The following MTUS1 variants were observed in gnomAD, a reference collection of about 807,000 sequenced individuals.
MTUS1 encodes microtubule associated scaffold protein 1.
Under a neutral mutation model 120.8 loss-of-function variants are expected in MTUS1, and 109 were observed. The observed-to-expected ratio is 0.90, with a 90% CI of 0.77 to 1.06. The LOEUF is 1.06. Among genes scored for constraint, MTUS1 ranks in the 50% least tolerant of loss-of-function variants. The probability of loss-of-function intolerance (pLI) is 0.00; values close to 1 mark genes in which losing one functional copy is unlikely to be tolerated. For missense variants in MTUS1, 2,210 were observed against 1,486.3 expected (o/e 1.49, Z -8.01); for synonymous variants, 737 against 550.5 (o/e 1.34, Z -4.74).
chr8:17,738,764 G>C (rs555396939), intron 3 of MTUS1, among the ~76,000 whole-genome samples: 1 of 152,052 alleles, frequency 6.6e-6, no homozygotes, highest in Non-Finnish European at 1.5e-5. Context: ...TTAACATCAA[G>C]CTTTAAACCA....
chr8:17,711,900 G>T (rs916188766), intron 6 of MTUS1, among the ~76,000 whole-genome samples: 4 of 152,182 alleles, frequency 2.6e-5, no homozygotes, highest in African/African-American at 9.7e-5. Flanking sequence ...CAAGAAAAGG[G>T]AGAGAGATGG....
chr8:17,675,531 C>T (rs1012687769), intron 7 of MTUS1, among the ~76,000 whole-genome samples: 16 of 152,226 alleles, frequency 1.1e-4, no homozygotes, highest in Non-Finnish European at 2.9e-5. Flanking sequence ...CAGTGCTTCA[C>T]TGCTGATCCA....
chr8:17,765,919 G>T (rs2049450946), intron 1 of MTUS1, among the ~76,000 whole-genome samples: 1 of 151,802 alleles, frequency 6.6e-6, no homozygotes, highest in South Asian at 2.1e-4. Flanking sequence ...ACCAAAAATT[G>T]GTTCTTACTT....
chr8:17,748,807 A>T (rs1280406799), intron 2 of MTUS1, among the ~76,000 whole-genome samples: 1 of 152,194 alleles, frequency 6.6e-6, no homozygotes, highest in Admixed American at 6.5e-5. Flanking sequence ...TACCCACTGC[A>T]CTAGGCACTC....
chr8:17,753,887 GTA>G lies in MTUS1; in HGVS notation c.1919_1920del (p.Ile640ThrfsTer4). 6.2e-7 allele frequency: 1 copy of G among 1,614,126 alleles called. No individual in the cohort carries two copies. The highest frequency in any genetic ancestry group is 1.1e-5 in the South Asian group (1 of 91,082). ...TCTGCACTTTCCATTTTAACAGGGA[GTA>G]TGCCTTTGATCTTCTGAAACAACGC... is the stretch of plus-strand genomic sequence containing the variant. ...VSALFQKIKG[I>X]LPVKMESAEC... On this transcript the variant is annotated frameshift_variant, in exon 2 of 15. Transcript: ENST00000693296. LOFTEE classifies it high-confidence loss of function.
chr8:17,793,609 G>C (rs901636288), intron 1 of MTUS1, among the ~76,000 whole-genome samples: 1 of 152,048 alleles, frequency 6.6e-6, no homozygotes, highest in Non-Finnish European at 1.5e-5. Context: ...CTATCCTTAA[G>C]GAGCTTACAA....
chr8:17,748,079 G>C (rs1191545812), intron 2 of MTUS1: 1 of 152,184 alleles, frequency 6.6e-6, no homozygotes, highest in East Asian at 1.9e-4. Context: ...TGGGGACACA[G>C]CCAAATCATA....
intron 6 of MTUS1, among the ~76,000 whole-genome samples, chr8:17,686,623 C>T (rs976646933): frequency 3.9e-5 from 6 of 152,234 alleles, no homozygotes; most frequent in African/African-American, 1.4e-4. Flanking sequence ...CTAATCAACG[C>T]TATTTTTAAC....
At chr8:17,739,941 C>G (rs1449135681) in intron 3 of MTUS1, among the ~76,000 whole-genome samples, 1 of 152,060 alleles carries the variant, frequency 6.6e-6, no homozygotes, top group South Asian at 2.1e-4. Context: ...CACATTTTGA[C>G]AAGTAAAATG....
At chr8:17,774,692 G>T (rs2050275415) in intron 1 of MTUS1, among the ~76,000 whole-genome samples, 1 of 152,094 alleles carries the variant, frequency 6.6e-6, no homozygotes, top group African/African-American at 2.4e-5. Context: ...GTTCCTCCAA[G>T]AGATAAACAT....
chr8:17,709,819 A>C (rs1820914216), intron 6 of MTUS1, among the ~76,000 whole-genome samples: 1 of 151,974 alleles, frequency 6.6e-6, no homozygotes, highest in African/African-American at 2.4e-5. Context: ...CCATCTGGCT[A>C]ACACGGTGAA....
chr8:17,703,935 C>T (rs1049444583), intron 6 of MTUS1: 2 of 152,036 alleles, frequency 1.3e-5, no homozygotes, highest in African/African-American at 4.8e-5. Flanking sequence ...GTTCATACAC[C>T]CTCTCCCCTT....
chr8:17,719,125 G>A (rs563937496), intron 4 of MTUS1, among the ~76,000 whole-genome samples: 8 of 151,972 alleles, frequency 5.3e-5, no homozygotes, highest in African/African-American at 2.4e-5. Flanking sequence ...AGCCGAGATC[G>A]TGCCACTGCA....
chr8:17,718,546 A>T (rs1471041268), intron 4 of MTUS1, among the ~76,000 whole-genome samples: 1 of 152,086 alleles, frequency 6.6e-6, no homozygotes. Context: ...CTGAGGCTGG[A>T]TGCATCCTCA....
At chr8:17,790,091 G>T (rs1214658715) in intron 1 of MTUS1, among the ~76,000 whole-genome samples, 1 of 152,160 alleles carries the variant, frequency 6.6e-6, no homozygotes, top group Non-Finnish European at 1.5e-5. Flanking sequence ...GCTCACACCT[G>T]TAATCCCAGC....
intron 1 of MTUS1, among the ~76,000 whole-genome samples, chr8:17,797,819 A>C (rs1047816466): frequency 2.0e-5 from 3 of 152,202 alleles, no homozygotes; most frequent in Non-Finnish European, 4.4e-5. Context: ...AAAGGGACTC[A>C]GGCTCTCATG....
intron 1 of MTUS1, among the ~76,000 whole-genome samples, chr8:17,790,044 T>C (rs1406264849): frequency 6.6e-6 from 1 of 152,094 alleles, no homozygotes; most frequent in Non-Finnish European, 1.5e-5. Flanking sequence ...GAATTCAAGA[T>C]TTCTACTTTT....
chr8:17,650,655 A>G (rs1398585789), intron 12 of MTUS1, among the ~76,000 whole-genome samples: 1 of 152,130 alleles, frequency 6.6e-6, no homozygotes, highest in African/African-American at 2.4e-5. Context: ...GCTGCAGTGA[A>G]CTGTGAATGC....
chr8:17,666,099 T>C (rs1418360587), intron 8 of MTUS1, among the ~76,000 whole-genome samples: 6 of 128,400 alleles, frequency 4.7e-5, no homozygotes, highest in East Asian at 6.8e-4. Context: ...GCTTTTTTTT[T>C]TTTTTTTTTT....
Sources: gnomAD v4.1 joint callset for allele counts (sites outside exome capture counted in the v4.1 genomes callset) on GRCh38, gnomAD v4.1.1 for gene constraint, MANE v1.5 for transcripts, NCBI Gene and HGNC (gene_info 2026-07-23, HGNC 2026-07-21) for gene names.